RFX2: variants seen among roughly 807,000 people sequenced by gnomAD.
The protein encoded by RFX2 is regulatory factor X2.
In RFX2, 20 loss-of-function variants were observed where a neutral mutation model predicts 87.8. The ratio of observed to expected loss-of-function variants is 0.23; its 90% CI spans 0.16 to 0.33. The LOEUF (loss-of-function observed/expected upper bound fraction) is 0.33, where lower values mean the gene tolerates loss of function less well. Ranked by LOEUF, RFX2 falls within the 10% of genes least tolerant of loss-of-function variation. RFX2 has a pLI of 1.00. For synonymous variants in RFX2, 397 were observed against 431.3 expected (o/e 0.92, Z 0.98); for missense variants, 767 against 1,012.3 (o/e 0.76, Z 3.29).
chr19:6,008,294 C>T lies in RFX2; in HGVS notation c.1016-70G>A, dbSNP rs774678787. On this transcript the variant is annotated intron_variant, in intron 9 of 17. Coordinates refer to ENST00000303657, the MANE Select transcript of RFX2 (RefSeq NM_000635.4). ...GACACCGTGGACAACTGGAAGGCCA[C>T]GGTGGATGGGGGCCCAGAAACAGAT... 16 of 902,176 alleles carry T rather than the reference C, an allele frequency of 1.8e-5. No individual in the cohort carries two copies. The South Asian group carries it at 2.1e-4, about 12-fold the overall frequency. The allele number at this position is 902,176 out of a possible 1,614,324, so 55.9% of individuals were successfully genotyped here. A position where few individuals can be genotyped will look rare whatever the true frequency, so the allele number is the denominator to read the frequency against.
At chr19:6,095,154 C>A (rs184280772) in intron 1 of RFX2, among the ~76,000 whole-genome samples, 1 of 152,248 alleles carries the variant, frequency 6.6e-6, no homozygotes, top group Admixed American at 6.5e-5. Context: ...AATGCGGCTA[C>A]TAGAAAATTG....
Position 6,013,082 on chromosome 19 carries a change from T to C in RFX2, c.803A>G (p.Tyr268Cys). The change falls in exon 8 of 18, where the codon TAT becomes TGT. Residue 268 changes from tyrosine to cysteine, a missense_variant. Physicochemically the swap from Tyr to Cys is radical, Grantham distance 194 (BLOSUM62 -2). Around this residue, in one of 2 missense-constraint regions of RFX2, gnomAD observed 621 missense variants for 873.0 expected, o/e 0.71. Transcript: ENST00000303657. The surrounding 1 kb of genome is among the most constrained non-coding windows in gnomAD (Gnocchi z 4.1). ...TGAGTCCGGCTTCAGACGAATCCCA[T>C]AGTAATGGTACTTCGAGTTGCCCCT... ...GTRGNSKYHYYGIRLKPDSPL... is the reference protein window; with the variant it reads ...GTRGNSKYHYCGIRLKPDSPL... 6.3e-7 allele frequency: 1 copy of C among 1,595,786 alleles called. No homozygotes were observed. Among genetic ancestry groups the C allele is most frequent in the Non-Finnish European group, 8.5e-7 (1 of 1,171,558 alleles).
rs2086734904 is a variant in RFX2 at position 6,017,012 on chromosome 19, A to G, written c.598-741T>C. Among the ~76,000 whole-genome samples, 1 of 151,944 alleles carries G rather than the reference A, an allele frequency of 6.6e-6. No homozygotes were observed. Among genetic ancestry groups the G allele is most frequent in the African/African-American group, 2.4e-5 (1 of 41,190 alleles). ...GTTCTGTAGTGAGCAGTGAGCTAAC[A>G]TGTACTGAGATCCCTTATTGAGGGA... On this transcript the variant is annotated intron_variant, in intron 6 of 17. Coordinates refer to ENST00000303657, the MANE Select transcript of RFX2 (RefSeq NM_000635.4). This position sits in a 1 kb window ranked among gnomAD's most constrained non-coding sequence, Gnocchi z 4.1.
rs979823020 is a variant in RFX2 at position 6,064,491 on chromosome 19, C to T, written c.-8-16987G>A. On this transcript the variant is annotated intron_variant, in intron 1 of 17. Coordinates refer to ENST00000303657, the MANE Select transcript of RFX2 (RefSeq NM_000635.4). The surrounding 1 kb of genome is among the most constrained non-coding windows in gnomAD (Gnocchi z 4.8). ...GTCCCAGCTTCAAAATCTTTCAGAG[C>T]GACTCATGCTGCCAGAGGGTGGAGG... Among the ~76,000 whole-genome samples the T allele has an allele frequency of 3.3e-5, 5 of 152,220 alleles. No homozygotes were observed. The highest frequency in any genetic ancestry group is 4.8e-5 in the African/African-American group (2 of 41,448).
intron 1 of RFX2, among the ~76,000 whole-genome samples, chr19:6,106,296 G>C (rs1216258027): frequency 3.9e-5 from 6 of 151,912 alleles, no homozygotes; most frequent in African/African-American, 2.4e-5. Context: ...CACTACACCA[G>C]GCATATGTCT....
intron 5 of RFX2, among the ~76,000 whole-genome samples, chr19:6,036,776 A>G (rs1298880970): frequency 6.6e-6 from 1 of 152,226 alleles, no homozygotes; most frequent in Non-Finnish European, 1.5e-5. Flanking sequence ...CACAGCTAAC[A>G]TCACATACTT....
Position 6,063,855 on chromosome 19 carries a change from C to T in RFX2, c.-8-16351G>A, listed in dbSNP as rs2087473878. Among the ~76,000 whole-genome samples the T allele has an allele frequency of 1.3e-5, 2 of 152,208 alleles. No homozygotes were observed. The highest frequency in any genetic ancestry group is 1.3e-4 in the Admixed American group (2 of 15,286). On this transcript the variant is annotated intron_variant, in intron 1 of 17. Transcript: ENST00000303657. The surrounding 1 kb of genome is among the most constrained non-coding windows in gnomAD (Gnocchi z 4.0). ...CCCTGTCTGACAGCCACAAATGTCT[C>T]CAGACATCGCCCAGTGTCCCCTGGG...
At chr19:6,107,033 C>G (rs959309686) in intron 1 of RFX2, among the ~76,000 whole-genome samples, 4 of 151,774 alleles carry the variant, frequency 2.6e-5, no homozygotes, top group African/African-American at 9.7e-5. Context: ...CGGTGGCTCA[C>G]GCCTATAATC....
chr19:6,024,448 T>C lies in RFX2; in HGVS notation c.597+1715A>G, dbSNP rs1470384004. Among the ~76,000 whole-genome samples the C allele has an allele frequency of 6.6e-6, 1 of 152,084 alleles. No homozygotes were observed. Among genetic ancestry groups the C allele is most frequent in the Non-Finnish European group, 1.5e-5 (1 of 68,000 alleles). ...CGGGGCACTGAGCAGGGGTCTGGCA[T>C]GGTGTTTGTTTTGTTTTGTCTTTTT... On this transcript the variant is annotated intron_variant, in intron 6 of 17. Coordinates refer to ENST00000303657, the MANE Select transcript of RFX2 (RefSeq NM_000635.4). This position sits in a 1 kb window ranked among gnomAD's most constrained non-coding sequence, Gnocchi z 5.0.
intron 1 of RFX2, among the ~76,000 whole-genome samples, chr19:6,095,439 G>A (rs911254045): frequency 6.6e-6 from 1 of 152,162 alleles, no homozygotes; most frequent in African/African-American, 2.4e-5. Context: ...TGGATGGGGT[G>A]AGAAAGAAAA....
In RFX2 at chr19:6,044,113, T is replaced by G; in HGVS notation, c.180+80A>C. 1 of 712,528 alleles carries G rather than the reference T, an allele frequency of 1.4e-6. No homozygotes were observed. The highest frequency in any genetic ancestry group is 2.0e-6 in the Non-Finnish European group (1 of 494,858). 44.1% of individuals were successfully genotyped at this position (712,528 alleles called of 1,614,324 possible). On this transcript the variant is annotated intron_variant, in intron 3 of 17. Transcript: ENST00000303657. The surrounding 1 kb of genome is among the most constrained non-coding windows in gnomAD (Gnocchi z 5.3). ...AAGGAACAGCAGCCACAGAAAAGGA[T>G]GCATCCTTCAGAGATTGTTCTGGAT...
rs2086433942 is a variant in RFX2, at chr19:5,997,665, AT to A, written c.1860-453del. ...CCCCGTATCCTTGCCACCTCCCGCC[AT>A]TCCTCAGCCTGTGGTTTCAGGCACC... On this transcript the variant is annotated intron_variant, in intron 15 of 17. Transcript: ENST00000303657. The surrounding 1 kb of genome is among the most constrained non-coding windows in gnomAD (Gnocchi z 4.2). Among the ~76,000 whole-genome samples the A allele has an allele frequency of 6.6e-6, 1 of 152,086 alleles. No homozygotes were observed. Among genetic ancestry groups the A allele is most frequent in the African/African-American group, 2.4e-5 (1 of 41,390 alleles).
At chr19:6,060,214 GTC>G (rs1415219138) in intron 1 of RFX2, among the ~76,000 whole-genome samples, 3 of 152,048 alleles carry the variant, frequency 2.0e-5, no homozygotes, top group Admixed American at 6.5e-5. Context: ...CATCCAGACT[GTC>G]TACATCCAGT....
At chr19:6,102,302 C>T (rs979992256) in intron 1 of RFX2, among the ~76,000 whole-genome samples, 7 of 152,238 alleles carry the variant, frequency 4.6e-5, no homozygotes, top group African/African-American at 1.7e-4. Context: ...TTGATACTGA[C>T]TCCTCTTCCT....
intron 4 of RFX2, among the ~76,000 whole-genome samples, chr19:6,041,737 A>T (rs1312771488): frequency 1.3e-5 from 2 of 150,266 alleles, no homozygotes; most frequent in Admixed American, 1.3e-4. Flanking sequence ...TTTTTTGGAC[A>T]GGGTGTTGCT....
intron 1 of RFX2, among the ~76,000 whole-genome samples, chr19:6,099,253 T>C (rs1208818061): frequency 6.6e-6 from 1 of 152,164 alleles, no homozygotes; most frequent in East Asian, 1.9e-4. Flanking sequence ...CTCCACTGTG[T>C]ACTCAGCTCC....
Position 6,007,791 on chromosome 19 carries a change from A to G in RFX2, c.1146T>C (p.Asp382=), listed in dbSNP as rs1599845268. 1.3e-6 allele frequency: 2 copies of G among 1,551,734 alleles called. No homozygotes were observed. The highest frequency in any genetic ancestry group is 4.9e-5 in the East Asian group (2 of 41,156). Residue 382 remains aspartate (D), a synonymous_variant, in exon 11 of 18, where the codon GAT becomes GAC. Coordinates refer to ENST00000303657, the MANE Select transcript of RFX2 (RefSeq NM_000635.4). This position sits in a 1 kb window ranked among gnomAD's most constrained non-coding sequence, Gnocchi z 8.2. ...AGTGGAACTGGAGGTTCATCACCAC[A>G]TCTACAGTTGCCTAGGAATGAAGGG... The part of the protein sequence containing the change: ...VYRRHCEATV[D]VVMNLQFHYI...
In RFX2 at chr19:6,085,547, T is replaced by G. The variant is rs78082332; in HGVS notation, c.-9+24846A>C. ...TTAGAAATGATTTGGAAACATTTTCTTCCATTCCTTGGGTTGTCTTTTTAC... is the reference window on the plus strand; with the variant it reads ...TTAGAAATGATTTGGAAACATTTTCGTCCATTCCTTGGGTTGTCTTTTTAC... On this transcript the variant is annotated intron_variant, in intron 1 of 17. Coordinates refer to ENST00000303657, the MANE Select transcript of RFX2 (RefSeq NM_000635.4). Among the ~76,000 whole-genome samples the G allele has an allele frequency of 4.5e-3, 685 of 152,358 alleles. 7 individuals carry two copies. The East Asian group carries it at 0.071, about 16-fold the overall frequency.
At chr19:6,030,289 A>G (rs1457063333) in intron 5 of RFX2, among the ~76,000 whole-genome samples, 2 of 152,224 alleles carry the variant, frequency 1.3e-5, no homozygotes, top group Non-Finnish European at 2.9e-5. Flanking sequence ...AATCCAGAAT[A>G]TGAGTAATGG....
Sources: allele counts gnomAD v4.1 joint callset (sites outside exome capture counted in the v4.1 genomes callset), GRCh38; gene constraint gnomAD v4.1.1; regional missense constraint gnomAD v4.1.1; non-coding constraint Gnocchi (gnomAD v3.1); transcripts MANE v1.5; gene names NCBI Gene and HGNC (gene_info 2026-07-23, HGNC 2026-07-21).